The following ERBB4 variants were observed in gnomAD, a reference collection of about 807,000 sequenced individuals.
ERBB4 encodes receptor tyrosine-protein kinase erbB-4.
In ERBB4, 42 loss-of-function variants were observed where a neutral mutation model predicts 158.0. The observed-to-expected ratio is 0.27, with a 90% CI of 0.21 to 0.34. The LOEUF (loss-of-function observed/expected upper bound fraction) is 0.34, where lower values mean the gene tolerates loss of function less well. Among genes scored for constraint, ERBB4 ranks in the 10% least tolerant of loss-of-function variants. ERBB4 has a pLI of 1.00. For missense variants in ERBB4, 1,333 were observed against 1,624.1 expected (o/e 0.82, Z 3.08); for synonymous variants, 583 against 558.7 (o/e 1.04, Z -0.61).
At chr2:211,528,302 G>A (rs1235168531) in intron 20 of ERBB4, among the ~76,000 whole-genome samples, 2 of 151,878 alleles carry the variant, frequency 1.3e-5, no homozygotes, top group Non-Finnish European at 2.9e-5. Flanking sequence ...TTCAGCAAGA[G>A]AATATAACAA....
chr2:212,414,499 G>A (rs930717696), intron 1 of ERBB4, among the ~76,000 whole-genome samples: 1 of 152,120 alleles, frequency 6.6e-6, no homozygotes, highest in African/African-American at 2.4e-5. Context: ...ATATGGCTCT[G>A]AACTGTTTCA....
At chr2:212,074,602 G>T (rs115341148) in intron 2 of ERBB4, among the ~76,000 whole-genome samples, 1 of 151,908 alleles carries the variant, frequency 6.6e-6, no homozygotes, top group Admixed American at 6.6e-5. Flanking sequence ...CTTAGTGAAT[G>T]TTGCCAGCAA....
chr2:212,444,649 C>T (rs77252450), intron 1 of ERBB4, among the ~76,000 whole-genome samples: 3,171 of 152,224 alleles, frequency 0.021, 95 homozygotes, highest in South Asian at 0.051. Context: ...CCGTCATTGC[C>T]CAATAGGCCC....
intron 20 of ERBB4, among the ~76,000 whole-genome samples, chr2:211,498,557 A>AT (rs2065533800): frequency 6.6e-6 from 1 of 152,142 alleles, no homozygotes; most frequent in Non-Finnish European, 1.5e-5. Flanking sequence ...TTAAATACAC[A>AT]TTATGTTACA....
At chr2:211,911,583 C>A (rs556977330) in intron 3 of ERBB4, among the ~76,000 whole-genome samples, 1 of 152,012 alleles carries the variant, frequency 6.6e-6, no homozygotes, top group Non-Finnish European at 1.5e-5. Flanking sequence ...CACAATTTAG[C>A]GTATCAATAT....
At chr2:212,312,578 A>C (rs2087098575) in intron 1 of ERBB4, among the ~76,000 whole-genome samples, 1 of 151,024 alleles carries the variant, frequency 6.6e-6, no homozygotes, top group Non-Finnish European at 1.5e-5. Context: ...CAAACATTCT[A>C]ATTAAACTAT....
intron 2 of ERBB4, among the ~76,000 whole-genome samples, chr2:212,099,531 A>T (rs2079023738): frequency 6.6e-6 from 1 of 152,212 alleles, no homozygotes; most frequent in Non-Finnish European, 1.5e-5. Context: ...TGGCCTTAAT[A>T]GCAAGGCACA....
chr2:212,456,762 T>TA (rs1688309008), intron 1 of ERBB4, among the ~76,000 whole-genome samples: 1 of 151,954 alleles, frequency 6.6e-6, no homozygotes, highest in African/African-American at 2.4e-5. Flanking sequence ...TAAAAATATA[T>TA]AAAAACAACA....
intron 1 of ERBB4, among the ~76,000 whole-genome samples, chr2:212,345,094 T>C (rs1333627450): frequency 1.3e-5 from 2 of 151,242 alleles, no homozygotes; most frequent in Non-Finnish European, 2.9e-5. Flanking sequence ...TGAAACCCCG[T>C]CTCTACTAAA....
intron 19 of ERBB4, among the ~76,000 whole-genome samples, chr2:211,593,702 GA>G (rs2068543711): frequency 6.6e-6 from 1 of 152,110 alleles, no homozygotes; most frequent in Non-Finnish European, 1.5e-5. Context: ...AGTTAATGTT[GA>G]CCAGAGATAG....
At chr2:211,825,686 C>A (rs1190119644) in intron 3 of ERBB4, among the ~76,000 whole-genome samples, 1 of 150,502 alleles carries the variant, frequency 6.6e-6, no homozygotes, top group Non-Finnish European at 1.5e-5. Flanking sequence ...CTTTTAAAAA[C>A]ATTTTATAAA....
chr2:212,191,990 T>C, intron 1 of ERBB4, among the ~76,000 whole-genome samples: 1 of 110,976 alleles, frequency 9.0e-6, no homozygotes, highest in Non-Finnish European at 1.9e-5. Flanking sequence ...ATGTTATATG[T>C]TATATATGTT....
At chr2:211,570,054 G>A (rs925267125) in intron 19 of ERBB4, among the ~76,000 whole-genome samples, 1 of 152,230 alleles carries the variant, frequency 6.6e-6, no homozygotes, top group Admixed American at 6.5e-5. Context: ...TTAGAGAAAG[G>A]CACAGATTCA....
chr2:212,193,801 G>A (rs886256710), intron 1 of ERBB4, among the ~76,000 whole-genome samples: 2 of 152,026 alleles, frequency 1.3e-5, no homozygotes, highest in African/African-American at 4.8e-5. Context: ...ATGTAGATGA[G>A]TAATTCTTCA....
chr2:212,232,143 C>G (rs1334373992), intron 1 of ERBB4, among the ~76,000 whole-genome samples: 1 of 151,942 alleles, frequency 6.6e-6, no homozygotes, highest in South Asian at 2.1e-4. Context: ...TTCTCAAGGG[C>G]TGTTATTATA....
intron 20 of ERBB4, among the ~76,000 whole-genome samples, chr2:211,472,408 C>T (rs2064849253): frequency 6.6e-6 from 1 of 150,728 alleles, no homozygotes; most frequent in Admixed American, 6.6e-5. Flanking sequence ...TGAAGAGAGA[C>T]AGGGATGTTA....
intron 1 of ERBB4, among the ~76,000 whole-genome samples, chr2:212,457,981 T>A (rs1349677334): frequency 6.6e-6 from 1 of 152,068 alleles, no homozygotes; most frequent in Non-Finnish European, 1.5e-5. Context: ...TTATTTATGA[T>A]ACACAAAGTA....
rs150332178 is a variant in ERBB4 at position 212,174,197 on chromosome 2, C to T, written c.83-49294G>A. On this transcript the variant is annotated intron_variant, in intron 1 of 27. Transcript: ENST00000342788. ...TTCTATGATGTGACTGTTTTAAAAT[C>T]TGACATTTTTGGATTTTCATACTCT... Among the ~76,000 whole-genome samples, 465 of 152,172 alleles carry T rather than the reference C, an allele frequency of 3.1e-3. 4 individuals carry two copies. The highest frequency in any genetic ancestry group is 0.011 in the African/African-American group (453 of 41,538).
chr2:212,202,072 C>A (rs550598970), intron 1 of ERBB4, among the ~76,000 whole-genome samples: 9 of 152,044 alleles, frequency 5.9e-5, no homozygotes, highest in African/African-American at 2.2e-4. Context: ...AATACCAATT[C>A]GGTTACAAAG....
Sources: allele counts gnomAD v4.1 joint callset (sites outside exome capture counted in the v4.1 genomes callset), GRCh38; gene constraint gnomAD v4.1.1; transcripts MANE v1.5; gene names NCBI Gene and HGNC (gene_info 2026-07-23, HGNC 2026-07-21).